The following C9 variants were observed in gnomAD, a reference collection of about 807,000 sequenced individuals.
C9 encodes complement C9, also known as complement component C9.
A neutral mutation model predicts 65.4 loss-of-function variants in C9; 63 were observed. The ratio of observed to expected loss-of-function variants is 0.96; its 90% CI spans 0.79 to 1.19. The LOEUF (loss-of-function observed/expected upper bound fraction) is 1.19. Ranked by LOEUF, C9 falls within the 50% of genes most tolerant of loss-of-function variation. The pLI, the probability that C9 is intolerant of heterozygous loss-of-function variation, is 0.00. For synonymous variants in C9, 229 were observed against 227.9 expected, an observed-to-expected ratio of 1.00 and a Z score of -0.04; for missense variants, 744 against 670.1, an observed-to-expected ratio of 1.11 and a Z score of -1.22.
At chr5:39,296,020 T>TA (rs1753179482) in intron 9 of C9, among the ~76,000 whole-genome samples, 1 of 151,514 alleles carries the variant, frequency 6.6e-6, no homozygotes, top group South Asian at 2.1e-4. Flanking sequence ...TTTTGTCCTA[T>TA]AAAAAATCAA....
Position 39,341,187 on chromosome 5 carries a change from T to G in C9, c.435A>C (p.Arg145Ser). 1 of 1,614,150 alleles carries G rather than the reference T, an allele frequency of 6.2e-7. No individual in the cohort carries two copies. Among genetic ancestry groups the G allele is most frequent in the Non-Finnish European group, 8.5e-7 (1 of 1,180,020 alleles). ...ESEPRPPCRD[R>S]VVEESELART... ...GTGCCAGCTCAGACTCTTCTACCAC[T>G]CTGTCTCTGCAGGGGGGACGGGGCT... is the stretch of plus-strand genomic sequence containing the variant. Residue 145 changes from arginine (R) to serine (S), a missense_variant, in exon 4 of 11, where the codon AGA becomes AGC. Coordinates refer to ENST00000263408, the MANE Select transcript of C9 (RefSeq NM_001737.5).
At chr5:39,303,469 G>A (rs188359718) in intron 9 of C9, among the ~76,000 whole-genome samples, 31 of 150,490 alleles carry the variant, frequency 2.1e-4, no homozygotes, top group South Asian at 6.3e-4. Context: ...ACTTTAGTAC[G>A]GAAAAATATA....
At chr5:39,352,906 A>G (rs1271275509) in intron 1 of C9, among the ~76,000 whole-genome samples, 1 of 151,778 alleles carries the variant, frequency 6.6e-6, no homozygotes, top group African/African-American at 2.4e-5. Flanking sequence ...CCCTGTTCCA[A>G]TTGCTGGTAC....
At chr5:39,349,088 G>A (rs563937731) in intron 1 of C9, among the ~76,000 whole-genome samples, 4 of 151,722 alleles carry the variant, frequency 2.6e-5, no homozygotes, top group African/African-American at 9.7e-5. Context: ...GAGTTAATGG[G>A]TGCAACACAC....
At chr5:39,307,880 C>T (rs897711557) in intron 8 of C9, among the ~76,000 whole-genome samples, 1 of 152,072 alleles carries the variant, frequency 6.6e-6, no homozygotes, top group South Asian at 2.1e-4. Flanking sequence ...GATGCACGAA[C>T]ATTGTCGCTT....
intron 5 of C9, among the ~76,000 whole-genome samples, chr5:39,325,501 G>A (rs760608087): frequency 3.9e-5 from 6 of 152,096 alleles, no homozygotes; most frequent in African/African-American, 4.8e-5. Flanking sequence ...ATCGCCAGGC[G>A]CGGTTGCTCA....
At chr5:39,357,189 A>T (rs1027178175) in intron 1 of C9, among the ~76,000 whole-genome samples, 1 of 152,246 alleles carries the variant, frequency 6.6e-6, no homozygotes, top group Non-Finnish European at 1.5e-5. Flanking sequence ...AGGCCCAGAC[A>T]GGAAAGCACT....
chr5:39,301,842 T>A (rs1753289809), intron 9 of C9, among the ~76,000 whole-genome samples: 3 of 152,148 alleles, frequency 2.0e-5, no homozygotes. Context: ...TAGTCTTTTA[T>A]GAATTAGTAT....
At chr5:39,296,881 A>T (rs531155443) in intron 9 of C9, among the ~76,000 whole-genome samples, 5 of 151,480 alleles carry the variant, frequency 3.3e-5, no homozygotes, top group Non-Finnish European at 7.4e-5. Flanking sequence ...AAGCTAAAAA[A>T]AAAACTGATC....
intron 7 of C9, 143 bp from the exon 8 acceptor site, chr5:39,308,501 C>T: frequency 1.5e-6 from 1 of 688,820 alleles, no homozygotes; most frequent in Non-Finnish European, 2.6e-6. Flanking sequence ...CATGTCTGTC[C>T]TGCTTTGTCC....
intron 1 of C9, among the ~76,000 whole-genome samples, chr5:39,349,801 C>A (rs1003654175): frequency 5.3e-5 from 8 of 152,138 alleles, no homozygotes; most frequent in African/African-American, 1.7e-4. Flanking sequence ...GTCTTTCTTT[C>A]ATTTCTTTTT....
chr5:39,351,871 C>T (rs1337170009), intron 1 of C9, among the ~76,000 whole-genome samples: 1 of 152,172 alleles, frequency 6.6e-6, no homozygotes, highest in Non-Finnish European at 1.5e-5. Context: ...TTACCCAGTT[C>T]CAAAGTCAAT....
intron 9 of C9, among the ~76,000 whole-genome samples, chr5:39,296,073 C>A (rs1400650285): frequency 4.6e-5 from 7 of 151,722 alleles, no homozygotes; most frequent in Non-Finnish European, 1.5e-5. Context: ...AACTATAAAA[C>A]TACTGGAAGA....
At chr5:39,314,171 T>C (rs1294450349) in intron 6 of C9, among the ~76,000 whole-genome samples, 1 of 152,072 alleles carries the variant, frequency 6.6e-6, no homozygotes, top group Non-Finnish European at 1.5e-5. Context: ...TCAAGTAGGC[T>C]GGGCGCGGTG....
At chr5:39,306,549 C>A in intron 9 of C9, 68 bp downstream of exon 9, 5 of 1,255,776 alleles carry the variant, frequency 4.0e-6, no homozygotes, top group Non-Finnish European at 5.8e-6. Flanking sequence ...AACAGTTCAC[C>A]TGAAACAATG....
rs940436369 is a variant in C9, at chr5:39,341,483, A to G, written c.328+73T>C. 29 of 1,551,182 alleles carry G rather than the reference A, an allele frequency of 1.9e-5. No homozygotes were observed. In the East Asian group the frequency reaches 6.3e-4, roughly 34 times the overall value. ...TGGAAATCCAAGTGTCCAGAAGCAT[A>G]TGCTTTTTTTTTTCTTTTCATTCAG... is the stretch of plus-strand genomic sequence containing the variant. On this transcript the variant is annotated intron_variant, in intron 3 of 10. Coordinates refer to ENST00000263408, the MANE Select transcript of C9 (RefSeq NM_001737.5).
At chr5:39,358,987 A>AT (rs1387647055) in intron 1 of C9, among the ~76,000 whole-genome samples, 2 of 87,908 alleles carry the variant, frequency 2.3e-5, no homozygotes, top group African/African-American at 8.7e-5. Flanking sequence ...TCCATCTCAA[A>AT]AAAATAAATA....
chr5:39,314,671 G>A (rs546831205), intron 6 of C9, among the ~76,000 whole-genome samples: 31 of 152,012 alleles, frequency 2.0e-4, no homozygotes, highest in South Asian at 4.2e-4. Context: ...AGTTCCTTCC[G>A]TCAGATAAAT....
rs142531756 is a variant in C9, at chr5:39,330,463, G to C, written c.615+1213C>G. ...GAAGCTAAGAGCTGATCACAGTGGTGAAGACAGGAAAACCGTAAAATGCAG... is the reference window on the plus strand; with the variant it reads ...GAAGCTAAGAGCTGATCACAGTGGTCAAGACAGGAAAACCGTAAAATGCAG... On this transcript the variant is annotated intron_variant, in intron 5 of 10. Coordinates refer to ENST00000263408, the MANE Select transcript of C9 (RefSeq NM_001737.5). 2.3e-3 allele frequency among the ~76,000 whole-genome samples: 350 copies of C among 152,286 alleles called. 4 individuals carry two copies. The highest frequency in any genetic ancestry group is 8.0e-3 in the African/African-American group (331 of 41,552).
Sources: allele counts gnomAD v4.1 joint callset (sites outside exome capture counted in the v4.1 genomes callset), GRCh38; gene constraint gnomAD v4.1.1; transcripts MANE v1.5; gene names NCBI Gene and HGNC (gene_info 2026-07-23, HGNC 2026-07-21).